TMEM117: variants seen among roughly 807,000 people sequenced by gnomAD.
TMEM117 encodes transmembrane protein 117.
Under a neutral mutation model 52.4 loss-of-function variants are expected in TMEM117, and 27 were observed. That is an observed-to-expected ratio of 0.51 (90% CI 0.38 to 0.71). The LOEUF is 0.71. TMEM117 is among the 30% of genes least tolerant of loss of function. The pLI, the probability that TMEM117 is intolerant of heterozygous loss-of-function variation, is 0.00. For synonymous variants in TMEM117, 215 were observed against 206.3 expected, an observed-to-expected ratio of 1.04 and a Z score of -0.36; for missense variants, 556 against 630.5, an observed-to-expected ratio of 0.88 and a Z score of 1.26.
chr12:43,809,254 A>G, the TMEM117 span, among the ~76,000 whole-genome samples: 1 of 152,188 alleles, frequency 6.6e-6, no homozygotes, highest in Non-Finnish European at 1.5e-5. Context: ...TTTTTGATAG[A>G]TTCATTTCTT....
the TMEM117 span, chr12:43,805,674 A>T: frequency 1.4e-6 from 1 of 734,678 alleles, no homozygotes; most frequent in Non-Finnish European, 2.1e-6. Flanking sequence ...TACACTCGAG[A>T]TTTCTCAGAA....
intron 3 of TMEM117, among the ~76,000 whole-genome samples, chr12:44,020,760 A>C (rs965088549): frequency 1.3e-5 from 2 of 152,146 alleles, no homozygotes; most frequent in Non-Finnish European, 2.9e-5. Context: ...GCTAGCAGCC[A>C]GAACTCAGCC....
intron 4 of TMEM117, among the ~76,000 whole-genome samples, chr12:44,204,675 C>T (rs1949540689): frequency 6.6e-6 from 1 of 152,086 alleles, no homozygotes; most frequent in African/African-American, 2.4e-5. Context: ...TCTACTGTAA[C>T]CAAAACAGCA....
At chr12:44,142,852 A>T (rs933090406) in intron 3 of TMEM117, among the ~76,000 whole-genome samples, 2 of 152,170 alleles carry the variant, frequency 1.3e-5, no homozygotes, top group African/African-American at 4.8e-5. Context: ...CTTGAATATT[A>T]AATGAAAATG....
chr12:44,078,931 C>A (rs187536951), intron 3 of TMEM117, among the ~76,000 whole-genome samples: 21 of 132,602 alleles, frequency 1.6e-4, no homozygotes, highest in Non-Finnish European at 2.5e-4. Flanking sequence ...TCTCATTGTT[C>A]AACTCCCACT....
intron 2 of TMEM117, among the ~76,000 whole-genome samples, chr12:43,867,855 T>C (rs912523271): frequency 6.6e-6 from 1 of 152,152 alleles, no homozygotes; most frequent in African/African-American, 2.4e-5. Flanking sequence ...CTCTTACTAA[T>C]TGACAGAATT....
At chr12:43,796,243 A>G in the TMEM117 span, among the ~76,000 whole-genome samples, 1 of 152,106 alleles carries the variant, frequency 6.6e-6, no homozygotes, top group African/African-American at 2.4e-5. Context: ...TTTACTTACT[A>G]TTTGGTCCTC....
chr12:44,389,050 CATGGGCGT>C lies in TMEM117; in HGVS notation c.*379_*386del. On this transcript the variant is annotated 3_prime_UTR_variant, in exon 8 of 8. Transcript: ENST00000266534. ...TGGAACAGTTACCTAACCTATTTCA[CATGGGCGT>C]TTTGTATACAACTATTTTGATCTAC... is the stretch of plus-strand genomic sequence containing the variant. The C allele has an allele frequency of 5.6e-6, 1 of 179,234 alleles. No homozygotes were observed. The highest frequency in any genetic ancestry group is 1.2e-5 in the Non-Finnish European group (1 of 83,154). The allele number at this position is 179,234 out of a possible 1,614,324, so 11.1% of individuals were successfully genotyped here. A position where few individuals can be genotyped will look rare whatever the true frequency, so the allele number is the denominator to read the frequency against.
intron 2 of TMEM117, among the ~76,000 whole-genome samples, chr12:43,939,150 C>T (rs947900812): frequency 6.6e-6 from 1 of 152,102 alleles, no homozygotes; most frequent in Non-Finnish European, 1.5e-5. Context: ...TGTGGAATGC[C>T]TGCTATGCTG....
At chr12:43,847,002 C>T (rs140276807) in intron 2 of TMEM117, among the ~76,000 whole-genome samples, 1 of 152,176 alleles carries the variant, frequency 6.6e-6, no homozygotes, top group African/African-American at 2.4e-5. Context: ...TATAGATGCA[C>T]ATAGTTTCTA....
chr12:43,985,892 A>G (rs1231172856), intron 3 of TMEM117, among the ~76,000 whole-genome samples: 2 of 152,216 alleles, frequency 1.3e-5, no homozygotes, highest in Non-Finnish European at 2.9e-5. Flanking sequence ...TTCAAGTTGA[A>G]AGTTCTATGT....
At chr12:43,961,717 C>CCT (rs1461247437) in intron 3 of TMEM117, among the ~76,000 whole-genome samples, 1 of 152,032 alleles carries the variant, frequency 6.6e-6, no homozygotes. Context: ...AACTCAGTGG[C>CCT]CTGTGTGTAT....
At position 43,866,618 on chromosome 12, in the gene TMEM117, A is replaced by G. The variant is rs570501984; in HGVS notation, c.277+21690A>G. Among the ~76,000 whole-genome samples, 90 of 152,112 alleles carry G rather than the reference A, an allele frequency of 5.9e-4. 1 individual carries two copies. The highest frequency in any genetic ancestry group is 1.1e-3 in the Non-Finnish European group (77 of 68,016). ...TAAAAGACACTTTTCAAACAAATCAACAAGACAGTTATCTATAGCAGACCT... is the reference window on the plus strand; with the variant it reads ...TAAAAGACACTTTTCAAACAAATCAGCAAGACAGTTATCTATAGCAGACCT... On this transcript the variant is annotated intron_variant, in intron 2 of 7. Transcript: ENST00000266534.
chr12:43,894,581 A>G (rs766402831), intron 2 of TMEM117, among the ~76,000 whole-genome samples: 5 of 151,590 alleles, frequency 3.3e-5, no homozygotes, highest in African/African-American at 4.9e-5. Context: ...GCCCCAGTGT[A>G]TACTGCTACC....
chr12:44,248,132 C>T (rs987533735), intron 5 of TMEM117, among the ~76,000 whole-genome samples: 2 of 152,114 alleles, frequency 1.3e-5, no homozygotes, highest in African/African-American at 2.4e-5. Context: ...GTGGACTCCT[C>T]TCAATCGTGT....
intron 6 of TMEM117, among the ~76,000 whole-genome samples, chr12:44,316,577 A>G (rs957264601): frequency 3.9e-5 from 6 of 152,030 alleles, no homozygotes; most frequent in Admixed American, 2.0e-4. Flanking sequence ...TTCTTTTTGT[A>G]TGGTATCTCA....
chr12:44,357,343 C>T (rs542592074), intron 6 of TMEM117, among the ~76,000 whole-genome samples: 1 of 152,174 alleles, frequency 6.6e-6, no homozygotes, highest in East Asian at 1.9e-4. Flanking sequence ...TCCTCTAGAA[C>T]AGAAAGGTAT....
chr12:43,904,973 G>C (rs1944361050), intron 2 of TMEM117, among the ~76,000 whole-genome samples: 1 of 151,970 alleles, frequency 6.6e-6, no homozygotes, highest in Non-Finnish European at 1.5e-5. Context: ...GAGAAACCCT[G>C]TCTCTACTAA....
At chr12:44,317,990 AG>A (rs1360628051) in intron 6 of TMEM117, among the ~76,000 whole-genome samples, 1 of 152,180 alleles carries the variant, frequency 6.6e-6, no homozygotes, top group Admixed American at 6.5e-5. Flanking sequence ...AGGTATGTCT[AG>A]GCATGGAGCT....
Sources: gnomAD v4.1 joint callset for allele counts (sites outside exome capture counted in the v4.1 genomes callset) on GRCh38, gnomAD v4.1.1 for gene constraint, MANE v1.5 for transcripts, NCBI Gene and HGNC (gene_info 2026-07-23, HGNC 2026-07-21) for gene names.